Variants in RBMS1 observed in about 807,000 individuals in gnomAD.
RBMS1 encodes RNA binding motif single stranded interacting protein 1, also known as RNA-binding motif, single-stranded-interacting protein 1.
A neutral mutation model predicts 62.3 loss-of-function variants in RBMS1; 17 were observed. The observed-to-expected ratio is 0.27, with a 90% CI of 0.19 to 0.41. The LOEUF is 0.41. RBMS1 is among the 10% of genes least tolerant of loss of function. RBMS1 has a pLI of 1.00. For missense variants in RBMS1, 334 were observed against 504.5 expected (o/e 0.66, Z 3.24); for synonymous variants, 172 against 170.0 (o/e 1.01, Z -0.09).
intron 4 of RBMS1, among the ~76,000 whole-genome samples, chr2:160,311,232 C>CTATATATATCTATATATA (rs1689868339): frequency 5.0e-5 from 4 of 79,252 alleles, no homozygotes; most frequent in African/African-American, 1.8e-4. Flanking sequence ...ATCTATCTAT[C>CTATATATATCTATATATA]TATATATATA....
intron 2 of RBMS1, among the ~76,000 whole-genome samples, chr2:160,361,429 T>A (rs1351804152): frequency 6.6e-6 from 1 of 152,206 alleles, no homozygotes; most frequent in East Asian, 1.9e-4. Context: ...TGAGCAATAA[T>A]CAGGGGTGGG....
chr2:160,324,882 G>GTGTGTATATATA (rs1206910746), intron 2 of RBMS1, among the ~76,000 whole-genome samples: 1 of 100,010 alleles, frequency 1.0e-5, no homozygotes, highest in Admixed American at 1.0e-4. Flanking sequence ...GTGTGTGTGT[G>GTGTGTATATATA]TATATATATA....
intron 1 of RBMS1, among the ~76,000 whole-genome samples, chr2:160,387,563 T>C (rs1336473334): frequency 2.0e-5 from 3 of 152,092 alleles, no homozygotes; most frequent in Non-Finnish European, 2.9e-5. Flanking sequence ...CCCTGGAACA[T>C]TTTCTGTCTG....
At chr2:160,319,610 A>G (rs1461525948) in intron 2 of RBMS1, among the ~76,000 whole-genome samples, 1 of 152,200 alleles carries the variant, frequency 6.6e-6, no homozygotes, top group Non-Finnish European at 1.5e-5. Flanking sequence ...TTTACAGTCT[A>G]CTTTCCTAGA....
At chr2:160,343,667 GCTT>G (rs1418669773) in intron 2 of RBMS1, among the ~76,000 whole-genome samples, 4 of 152,054 alleles carry the variant, frequency 2.6e-5, no homozygotes, top group Non-Finnish European at 5.9e-5. Context: ...ATATAAAATG[GCTT>G]CTTATGAGGC....
chr2:160,474,574 T>C (rs936519515), intron 1 of RBMS1, among the ~76,000 whole-genome samples: 2 of 152,222 alleles, frequency 1.3e-5, no homozygotes, highest in Non-Finnish European at 2.9e-5. Context: ...TGTGAACGTA[T>C]TCAACGCCAC....
chr2:160,473,635 T>G (rs901922200), intron 1 of RBMS1, among the ~76,000 whole-genome samples: 1 of 152,192 alleles, frequency 6.6e-6, no homozygotes, highest in Non-Finnish European at 1.5e-5. Context: ...ATAATTGCTC[T>G]AGGATTTGTA....
intron 2 of RBMS1, 108 bp downstream of exon 2, chr2:160,367,108 T>G: frequency 9.0e-7 from 1 of 1,115,986 alleles, no homozygotes. Context: ...ACACTGAGAG[T>G]CCACAGATAC....
At chr2:160,337,617 G>T (rs914942675) in intron 2 of RBMS1, among the ~76,000 whole-genome samples, 1 of 152,032 alleles carries the variant, frequency 6.6e-6, no homozygotes, top group Non-Finnish European at 1.5e-5. Flanking sequence ...ACACACCTCA[G>T]AATGGTACAT....
In RBMS1 at chr2:160,275,705, C is replaced by A; in HGVS notation, c.1153G>T (p.Gly385Cys). Reference protein sequence around the residue: ...TTAVPVEEASGQQQVAVETSN... With the variant: ...TTAVPVEEASCQQQVAVETSN... ...GTCTCGACAGCCACCTGCTGTTGAC[C>A]ACTTGCCTCCTACAACAAACAAAGC... The change falls in exon 13 of 14, where the codon GGT (glycine) becomes TGT (cysteine). Residue 385 changes from glycine to cysteine, a missense_variant. By Grantham distance (159) the Gly-to-Cys change is radical. Transcript: ENST00000348849. 1.2e-6 allele frequency: 2 copies of A among 1,613,716 alleles called. No individual in the cohort carries two copies. The highest frequency in any genetic ancestry group is 8.5e-7 in the Non-Finnish European group (1 of 1,179,694).
intron 1 of RBMS1, among the ~76,000 whole-genome samples, chr2:160,405,100 G>C (rs1022685414): frequency 6.6e-6 from 1 of 152,204 alleles, no homozygotes; most frequent in Non-Finnish European, 1.5e-5. Flanking sequence ...ATGACTAAAT[G>C]AGTTAATCTG....
At chr2:160,446,927 C>G (rs1683676572) in intron 1 of RBMS1, among the ~76,000 whole-genome samples, 1 of 152,176 alleles carries the variant, frequency 6.6e-6, no homozygotes, top group Non-Finnish European at 1.5e-5. Flanking sequence ...CCTGAAAGTT[C>G]CAAGCTTTCT....
At chr2:160,315,209 C>G (rs776051815) in intron 3 of RBMS1, among the ~76,000 whole-genome samples, 6 of 152,182 alleles carry the variant, frequency 3.9e-5, no homozygotes, top group Non-Finnish European at 7.3e-5. Context: ...TTCCCAATGC[C>G]TACCACACTA....
intron 2 of RBMS1, among the ~76,000 whole-genome samples, chr2:160,355,962 A>G (rs1190848811): frequency 7.9e-5 from 12 of 152,114 alleles, no homozygotes; most frequent in Admixed American, 7.2e-4. Context: ...GGGATTCACC[A>G]TTCACTTCTC....
intron 2 of RBMS1, among the ~76,000 whole-genome samples, chr2:160,339,683 T>C (rs912391858): frequency 6.8e-6 from 1 of 147,906 alleles, no homozygotes; most frequent in Non-Finnish European, 1.5e-5. Flanking sequence ...CATACGTGTG[T>C]GTGAGAGATG....
rs1027054770 is a variant in RBMS1, at chr2:160,493,643, C to T, written c.-280G>A. On this transcript the variant is annotated 5_prime_UTR_variant, in exon 1 of 14. Transcript: ENST00000348849. ...AGCGCAGAGGGCACCCCGGACAGGG[C>T]GCTCCCAAGGAGTTTCCTCCCGGAG... 2.7e-5 allele frequency: 14 copies of T among 516,546 alleles called. No homozygotes were observed. Among genetic ancestry groups the T allele is most frequent in the South Asian group, 1.0e-4 (5 of 47,902 alleles). 32.0% of individuals were successfully genotyped at this position (516,546 alleles called of 1,614,324 possible). A position where few individuals can be genotyped will look rare whatever the true frequency, so the allele number is the denominator to read the frequency against.
intron 1 of RBMS1, among the ~76,000 whole-genome samples, chr2:160,463,472 G>A (rs1034058852): frequency 4.6e-5 from 7 of 152,190 alleles, no homozygotes; most frequent in Admixed American, 3.3e-4. Flanking sequence ...AGAATGAGAC[G>A]CACTTCAGTG....
At chr2:160,352,139 A>C (rs1390612790) in intron 2 of RBMS1, among the ~76,000 whole-genome samples, 1 of 152,134 alleles carries the variant, frequency 6.6e-6, no homozygotes, top group Non-Finnish European at 1.5e-5. Flanking sequence ...TTGAGTATTC[A>C]TTAGAGTAAA....
intron 2 of RBMS1, among the ~76,000 whole-genome samples, chr2:160,324,874 G>T (rs1040135935): frequency 2.1e-5 from 1 of 47,958 alleles, no homozygotes; most frequent in South Asian, 6.9e-4. Flanking sequence ...AGATGTGTGT[G>T]TGTGTGTGTA....
Sources: allele counts gnomAD v4.1 joint callset (sites outside exome capture counted in the v4.1 genomes callset), GRCh38; gene constraint gnomAD v4.1.1; transcripts MANE v1.5; gene names NCBI Gene and HGNC (gene_info 2026-07-23, HGNC 2026-07-21).